Variants in BANF2 observed in about 807,000 individuals in gnomAD.
BANF2 encodes BANF family member 2.
In BANF2, 4 loss-of-function variants were observed where a neutral mutation model predicts 8.0. The observed-to-expected ratio is 0.50, with a 90% CI of 0.25 to 1.14. The LOEUF (loss-of-function observed/expected upper bound fraction) is 1.14. Among genes scored for constraint, BANF2 ranks in the 50% most tolerant of loss-of-function variants. The pLI is 0.16. For synonymous variants in BANF2, 50 were observed against 40.6 expected (o/e 1.23, Z -0.88); for missense variants, 96 against 107.5 (o/e 0.89, Z 0.47).
In BANF2 at chr20:17,719,720, T is replaced by C. The variant is rs75359688; in HGVS notation, c.-166-2996T>C. 9.9e-5 allele frequency among the ~76,000 whole-genome samples: 15 copies of C among 151,972 alleles called. No homozygotes were observed. The East Asian group carries it at 2.5e-3, about 25-fold the overall frequency. ...AAAAAAAAAGAGGAGCAGCTTGTTATTCAGGTCTGTCTGCTCTGAAGTTCT... is the reference window on the plus strand; with the variant it reads ...AAAAAAAAAGAGGAGCAGCTTGTTACTCAGGTCTGTCTGCTCTGAAGTTCT... On this transcript the variant is annotated intron_variant, in intron 1 of 3. Coordinates refer to ENST00000246090, the MANE Select transcript of BANF2 (RefSeq NM_178477.5).
At position 17,725,481 on chromosome 20, in the gene BANF2, G is replaced by A. The variant is rs6044969; in HGVS notation, c.126+330G>A. Among the ~76,000 whole-genome samples, 4 of 152,340 alleles carry A rather than the reference G, an allele frequency of 2.6e-5. No homozygotes were observed. The South Asian group carries it at 8.3e-4, about 32-fold the overall frequency. On this transcript the variant is annotated intron_variant, in intron 3 of 3. Transcript: ENST00000246090. ...ATGAGCTGTCAGGATGGATGATTTA[G>A]GTGCACTCCATGCCCCCATGAAGGG...
chr20:17,708,661 T>A (rs1205711366), intron 1 of BANF2, among the ~76,000 whole-genome samples: 4 of 152,190 alleles, frequency 2.6e-5, no homozygotes, highest in African/African-American at 9.6e-5. Flanking sequence ...TTTATTTTTT[T>A]AATTTGCCTT....
chr20:17,722,917 G>A (rs1198204759), intron 2 of BANF2, 39 bp downstream of exon 2: 59 of 962,626 alleles, frequency 6.1e-5, no homozygotes, highest in Non-Finnish European at 7.0e-5. Flanking sequence ...GGATGGGGCT[G>A]TGAAAGGGAG....
chr20:17,718,939 G>A (rs1217048048), intron 1 of BANF2, among the ~76,000 whole-genome samples: 1 of 152,190 alleles, frequency 6.6e-6, no homozygotes, highest in Non-Finnish European at 1.5e-5. Flanking sequence ...TTACAGGACA[G>A]GATTATGTTG....
intron 1 of BANF2, among the ~76,000 whole-genome samples, chr20:17,708,766 C>CT (rs2037525224): frequency 6.6e-6 from 1 of 152,108 alleles, no homozygotes; most frequent in Admixed American, 6.5e-5. Context: ...AAACCGAGAT[C>CT]TTTTTTCCAG....
chr20:17,731,215 A>G (rs2037888717), intron 3 of BANF2: 1 of 152,184 alleles, frequency 6.6e-6, no homozygotes, highest in African/African-American at 2.4e-5. Flanking sequence ...GTGAGCCGCT[A>G]TCGTGCCACT....
In BANF2 at chr20:17,725,116, C is replaced by G. The variant is rs1483974312; in HGVS notation, c.91C>G (p.Leu31Val). ...VCWVDGISHE[L>V]AINLVTKGIN... ...CTGGGTGGATGGCATCAGCCATGAGCTCGCGATCAATTTGGTCACCAAAGG... is the reference window on the plus strand; with the variant it reads ...CTGGGTGGATGGCATCAGCCATGAGGTCGCGATCAATTTGGTCACCAAAGG... The change falls in exon 3 of 4, where the codon CTC becomes GTC. Residue 31 changes from leucine (L) to valine (V), a missense_variant. Transcript: ENST00000246090. The G allele has an allele frequency of 1.9e-6, 3 of 1,612,956 alleles. No individual in the cohort carries two copies. The highest frequency in any genetic ancestry group is 2.5e-6 in the Non-Finnish European group (3 of 1,178,978).
chr20:17,724,894 G>A (rs1367706993), intron 2 of BANF2, 129 bp from the exon 3 acceptor site: 1 of 966,416 alleles, frequency 1.0e-6, no homozygotes, highest in East Asian at 2.6e-5. Flanking sequence ...GGAAATGCTG[G>A]ATGATGGAAG....
chr20:17,710,900 G>C (rs1457042210), intron 1 of BANF2, among the ~76,000 whole-genome samples: 2 of 151,450 alleles, frequency 1.3e-5, no homozygotes, highest in South Asian at 2.1e-4. Context: ...GGCAGATCTG[G>C]GGGCTTCTGC....
chr20:17,699,623 G>C (rs942336331), upstream of BANF2, among the ~76,000 whole-genome samples: 2 of 152,212 alleles, frequency 1.3e-5, no homozygotes, highest in Admixed American at 1.3e-4. Flanking sequence ...CTTTGTGCAG[G>C]AAAACTGCAT....
intron 1 of BANF2, among the ~76,000 whole-genome samples, chr20:17,704,488 T>C (rs754817403): frequency 2.6e-5 from 4 of 152,070 alleles, no homozygotes; most frequent in Non-Finnish European, 2.9e-5. Context: ...ACTTCTAGAG[T>C]GGACAGCACT....
intron 3 of BANF2, among the ~76,000 whole-genome samples, chr20:17,732,020 C>T (rs996129731): frequency 2.6e-5 from 4 of 151,278 alleles, no homozygotes; most frequent in African/African-American, 7.3e-5. Flanking sequence ...GAGCCAAGAC[C>T]GTGCCACTGC....
intron 3 of BANF2, among the ~76,000 whole-genome samples, chr20:17,728,823 C>CG: frequency 6.6e-6 from 1 of 152,226 alleles, no homozygotes; most frequent in East Asian, 1.9e-4. Context: ...ATCCAGACAG[C>CG]GGCCGCAGGT....
chr20:17,707,383 A>AAAAAAAAG (rs562432650), intron 1 of BANF2, among the ~76,000 whole-genome samples: 51 of 90,218 alleles, frequency 5.7e-4, no homozygotes, highest in African/African-American at 2.2e-3. Flanking sequence ...ACTCTGTGTC[A>AAAAAAAAG]AAAAAAAGAA....
intron 1 of BANF2, 102 bp from the exon 2 acceptor site, chr20:17,722,614 T>C (rs2037748275): frequency 3.9e-6 from 2 of 515,802 alleles, no homozygotes; most frequent in African/African-American, 4.2e-5. Context: ...ATTTAGCTGC[T>C]AAAGAGAGGT....
At chr20:17,725,250 C>T (rs1451938430) in intron 3 of BANF2, 99 bp downstream of exon 3, 12 of 1,415,586 alleles carry the variant, frequency 8.5e-6, no homozygotes, top group Non-Finnish European at 1.2e-5. Flanking sequence ...TGTGAAGGGC[C>T]ATCAGAGAGC....
At chr20:17,700,494 C>T (rs1403728015) in intron 1 of BANF2, among the ~76,000 whole-genome samples, 2 of 152,206 alleles carry the variant, frequency 1.3e-5, no homozygotes, top group Admixed American at 1.3e-4. Flanking sequence ...ACCTCCCGTC[C>T]AAAATGTGAA....
intron 1 of BANF2, among the ~76,000 whole-genome samples, chr20:17,709,569 G>C (rs2037538528): frequency 6.6e-6 from 1 of 152,202 alleles, no homozygotes; most frequent in Admixed American, 6.5e-5. Flanking sequence ...GCAGCCAACT[G>C]CTGCATCTCC....
intron 1 of BANF2, among the ~76,000 whole-genome samples, chr20:17,711,353 C>T (rs1386729032): frequency 1.3e-5 from 2 of 152,244 alleles, no homozygotes; most frequent in Non-Finnish European, 2.9e-5. Flanking sequence ...TACAGATTCA[C>T]TCTCACCACA....
Sources: allele counts gnomAD v4.1 joint callset (sites outside exome capture counted in the v4.1 genomes callset), GRCh38; gene constraint gnomAD v4.1.1; transcripts MANE v1.5; gene names NCBI Gene and HGNC (gene_info 2026-07-23, HGNC 2026-07-21).